The following WWOX variants were observed in gnomAD, a reference collection of about 807,000 sequenced individuals.
WWOX encodes the protein WW domain containing oxidoreductase.
A neutral mutation model predicts 46.2 loss-of-function variants in WWOX; 69 were observed. The observed-to-expected ratio is 1.49, with a 90% CI of 1.23 to 1.82. The LOEUF (loss-of-function observed/expected upper bound fraction) is 1.82, where lower values mean the gene tolerates loss of function less well. Ranked by LOEUF, WWOX falls within the 40% of genes most tolerant of loss-of-function variation. The probability of loss-of-function intolerance (pLI) is 0.00; values close to 1 mark genes in which losing one functional copy is unlikely to be tolerated. For synonymous variants in WWOX, 359 were observed against 202.6 expected (o/e 1.77, Z -6.56); for missense variants, 919 against 542.6 (o/e 1.69, Z -6.89).
chr16:79,165,624 A>T lies in WWOX; in HGVS notation c.1057-45984A>T, dbSNP rs73582748. ...AGGCAGTGAAAGCGTGCTTCTCAGG[A>T]CTCATTGTCCAGAAGATTCTGCCTA... On this transcript the variant is annotated intron_variant, in intron 8 of 8. Coordinates refer to ENST00000566780, the MANE Select transcript of WWOX (RefSeq NM_016373.4). 6.8e-3 allele frequency among the ~76,000 whole-genome samples: 1,035 copies of T among 152,122 alleles called. 12 individuals are homozygous for T. Among genetic ancestry groups the T allele is most frequent in the African/African-American group, 0.024 (987 of 41,478 alleles).
intron 8 of WWOX, chr16:79,004,515 C>T (rs1386484322): frequency 6.6e-6 from 1 of 152,264 alleles, no homozygotes; most frequent in African/African-American, 2.4e-5. Flanking sequence ...CTATTATAGC[C>T]CTGGTGTGGC....
At chr16:78,312,127 G>T (rs1253473536) in intron 5 of WWOX, among the ~76,000 whole-genome samples, 1 of 152,108 alleles carries the variant, frequency 6.6e-6, no homozygotes, top group Admixed American at 6.6e-5. Flanking sequence ...AAGGACCCTT[G>T]TGATTTCATT....
At chr16:78,176,915 C>G (rs767436173) in intron 5 of WWOX, among the ~76,000 whole-genome samples, 3 of 152,180 alleles carry the variant, frequency 2.0e-5, no homozygotes, top group African/African-American at 2.4e-5. Context: ...TTTGTGGTCT[C>G]TAATGCTGCA....
intron 6 of WWOX, among the ~76,000 whole-genome samples, chr16:78,416,414 C>T (rs541688831): frequency 6.6e-6 from 1 of 152,264 alleles, no homozygotes; most frequent in South Asian, 2.1e-4. Flanking sequence ...TTCCACAAGC[C>T]TGTTTTTAAT....
intron 8 of WWOX, among the ~76,000 whole-genome samples, chr16:78,807,980 C>T (rs900827641): frequency 6.6e-6 from 1 of 152,186 alleles, no homozygotes; most frequent in Admixed American, 6.5e-5. Flanking sequence ...ACTGGTTCTC[C>T]TTTTTCTTTT....
intron 8 of WWOX, among the ~76,000 whole-genome samples, chr16:78,931,505 A>G (rs574398826): frequency 6.6e-6 from 1 of 152,248 alleles, no homozygotes; most frequent in Non-Finnish European, 1.5e-5. Flanking sequence ...TCAGCTCAGC[A>G]AGGATTGCTG....
rs1246303451 is a variant in WWOX at position 78,234,252 on chromosome 16, C to T, written c.516+69963C>T. 2.6e-5 allele frequency among the ~76,000 whole-genome samples: 4 copies of T among 151,992 alleles called. No individual in the cohort carries two copies. In the East Asian group the frequency reaches 7.7e-4, roughly 29 times the overall value. On this transcript the variant is annotated intron_variant, in intron 5 of 8. Coordinates refer to ENST00000566780, the MANE Select transcript of WWOX (RefSeq NM_016373.4). Reference sequence around the variant, plus strand: ...GTATAATGTTCAAAATGCTCTAATCCCTAAATTTTCCAGTCTAGGTTATTA... The same window carrying T: ...GTATAATGTTCAAAATGCTCTAATCTCTAAATTTTCCAGTCTAGGTTATTA...
At chr16:78,314,034 A>G (rs2080303833) in intron 5 of WWOX, among the ~76,000 whole-genome samples, 1 of 152,156 alleles carries the variant, frequency 6.6e-6, no homozygotes, top group Non-Finnish European at 1.5e-5. Flanking sequence ...TGCCTCACAC[A>G]TCTATAAAAT....
intron 8 of WWOX, among the ~76,000 whole-genome samples, chr16:78,605,096 C>G (rs562241686): frequency 2.0e-5 from 3 of 149,536 alleles, no homozygotes; most frequent in East Asian, 4.0e-4. Flanking sequence ...AGTTGGCAAA[C>G]TTAAAAGTTG....
chr16:78,827,943 GC>G (rs529930909), intron 8 of WWOX, among the ~76,000 whole-genome samples: 13 of 152,348 alleles, frequency 8.5e-5, no homozygotes, highest in Admixed American at 7.8e-4. Flanking sequence ...GAGTAAGGGG[GC>G]TAAGCTGGTT....
At chr16:79,130,654 A>G (rs1304392916) in intron 8 of WWOX, among the ~76,000 whole-genome samples, 3 of 152,222 alleles carry the variant, frequency 2.0e-5, no homozygotes, top group Non-Finnish European at 2.9e-5. Context: ...GCCAAGAACA[A>G]ATTAACCCAG....
intron 6 of WWOX, among the ~76,000 whole-genome samples, chr16:78,399,066 G>C (rs533173701): frequency 6.7e-6 from 1 of 148,160 alleles, no homozygotes; most frequent in South Asian, 2.1e-4. Context: ...GAAGGGGATA[G>C]GTGGCTGGCT....
intron 8 of WWOX, among the ~76,000 whole-genome samples, chr16:78,666,978 G>A (rs1053867350): frequency 6.6e-6 from 1 of 152,192 alleles, no homozygotes; most frequent in Non-Finnish European, 1.5e-5. Context: ...GGGTTTAGGG[G>A]AAGTTTAGTT....
intron 8 of WWOX, among the ~76,000 whole-genome samples, chr16:79,157,334 C>T (rs1478409368): frequency 6.6e-6 from 1 of 151,602 alleles, no homozygotes; most frequent in Non-Finnish European, 1.5e-5. Context: ...CTATTCTGGG[C>T]TTCACTCTTA....
At chr16:79,169,613 A>G (rs575952761) in intron 8 of WWOX, among the ~76,000 whole-genome samples, 1 of 152,204 alleles carries the variant, frequency 6.6e-6, no homozygotes, top group African/African-American at 2.4e-5. Flanking sequence ...GCTTCACACA[A>G]ATAGCTAAAG....
intron 8 of WWOX, among the ~76,000 whole-genome samples, chr16:79,107,828 G>A (rs1045049674): frequency 2.0e-5 from 3 of 152,116 alleles, no homozygotes; most frequent in African/African-American, 7.2e-5. Context: ...AATTAAAATA[G>A]CCATAATGTC....
intron 8 of WWOX, among the ~76,000 whole-genome samples, chr16:78,844,139 T>A (rs1430692461): frequency 6.6e-6 from 1 of 152,142 alleles, no homozygotes; most frequent in Non-Finnish European, 1.5e-5. Context: ...AAATCTATCG[T>A]ATTTGTTTAT....
chr16:78,977,161 T>C (rs1443601771), intron 8 of WWOX, among the ~76,000 whole-genome samples: 1 of 152,214 alleles, frequency 6.6e-6, no homozygotes, highest in African/African-American at 2.4e-5. Context: ...GTACCCTATA[T>C]ATCATTCACT....
At chr16:79,081,833 CA>C (rs1298652574) in intron 8 of WWOX, among the ~76,000 whole-genome samples, 1 of 152,104 alleles carries the variant, frequency 6.6e-6, no homozygotes, top group Non-Finnish European at 1.5e-5. Flanking sequence ...AGTGACAAAG[CA>C]GATTGCTTCC....
Sources: gnomAD v4.1 joint callset for allele counts (sites outside exome capture counted in the v4.1 genomes callset) on GRCh38, gnomAD v4.1.1 for gene constraint, MANE v1.5 for transcripts, NCBI Gene and HGNC (gene_info 2026-07-23, HGNC 2026-07-21) for gene names.